The following STPG2 variants were observed in gnomAD, a reference collection of about 807,000 sequenced individuals.
STPG2 encodes the protein sperm-tail PG-rich repeat-containing protein 2.
STPG2 carries 56 observed loss-of-function variants against 54.2 expected under a neutral mutation model. That is an observed-to-expected ratio of 1.03 (90% CI 0.83 to 1.29). The LOEUF is 1.29. Ranked by LOEUF, STPG2 falls within the 50% of genes most tolerant of loss-of-function variation. The pLI is 0.00. For missense variants in STPG2, 596 were observed against 544.9 expected, an observed-to-expected ratio of 1.09 and a Z score of -0.93; for synonymous variants, 200 against 181.8, an observed-to-expected ratio of 1.10 and a Z score of -0.81.
At chr4:97,868,877 C>A (rs897289715) in intron 8 of STPG2, among the ~76,000 whole-genome samples, 2 of 151,852 alleles carry the variant, frequency 1.3e-5, no homozygotes, top group African/African-American at 4.8e-5. Context: ...AAAAGGTCAT[C>A]CTTACATTTT....
rs567552981 is a variant in STPG2, at chr4:97,782,598, C to T, written c.1204+58175G>A. On this transcript the variant is annotated intron_variant, in intron 9 of 10. Coordinates refer to ENST00000295268, the MANE Select transcript of STPG2 (RefSeq NM_174952.3). The stretch of plus-strand genomic sequence containing the variant: ...AAACTACTTTAAAGTTCATGTGAAA[C>T]GAAAAAAGCGCCTGCATTGCCAAGA... Among the ~76,000 whole-genome samples, 56 of 152,158 alleles carry T rather than the reference C, an allele frequency of 3.7e-4. 1 individual carries two copies. In the South Asian group the frequency reaches 3.7e-3, roughly 10 times the overall value.
chr4:97,903,950 C>T (rs112881159), intron 8 of STPG2, among the ~76,000 whole-genome samples: 19,407 of 152,180 alleles, frequency 0.13, 1,899 homozygotes, highest in African/African-American at 0.26. Flanking sequence ...GAGAGTCCTA[C>T]GCCCACAGAG....
chr4:97,830,672 G>C (rs1728425970), intron 9 of STPG2, among the ~76,000 whole-genome samples: 1 of 152,108 alleles, frequency 6.6e-6, no homozygotes, highest in Non-Finnish European at 1.5e-5. Flanking sequence ...ATAAAGGGAT[G>C]GAGGAAGATT....
intron 10 of STPG2, among the ~76,000 whole-genome samples, chr4:97,654,985 C>T (rs1188887917): frequency 6.6e-6 from 1 of 151,956 alleles, no homozygotes; most frequent in Non-Finnish European, 1.5e-5. Context: ...CTAAAAAATA[C>T]ATTTTTAGTA....
intron 4 of STPG2, among the ~76,000 whole-genome samples, chr4:97,528,749 C>T (rs919637090): frequency 6.6e-6 from 1 of 152,046 alleles, no homozygotes; most frequent in Non-Finnish European, 1.5e-5. Flanking sequence ...GTATTTTATT[C>T]TCTTTGTAGC....
chr4:97,591,564 G>A (rs924282156), intron 10 of STPG2, among the ~76,000 whole-genome samples: 1 of 152,148 alleles, frequency 6.6e-6, no homozygotes, highest in Non-Finnish European at 1.5e-5. Context: ...TTCTTCCACA[G>A]ATCACCACAC....
At chr4:98,105,845 G>T in intron 5 of STPG2, 108 bp downstream of exon 5, 1 of 922,516 alleles carries the variant, frequency 1.1e-6, no homozygotes, top group Admixed American at 3.1e-5. Context: ...ATTGAATGAC[G>T]ATTAGCTATC....
rs1050998790 is a variant in STPG2, at chr4:97,570,409, A to T, written c.1321-11292T>A. Among the ~76,000 whole-genome samples, 6 of 152,084 alleles carry T rather than the reference A, an allele frequency of 3.9e-5. No homozygotes were observed. In the South Asian group the frequency reaches 8.3e-4, roughly 21 times the overall value. On this transcript the variant is annotated intron_variant, in intron 10 of 10. Coordinates refer to ENST00000295268, the MANE Select transcript of STPG2 (RefSeq NM_174952.3). ...GATTTTCTTCCCCAAAATATAAATGATTGTTGAGCTGAAGACAACTAACAA... is the reference window on the plus strand; with the variant it reads ...GATTTTCTTCCCCAAAATATAAATGTTTGTTGAGCTGAAGACAACTAACAA...
intron 7 of STPG2, among the ~76,000 whole-genome samples, chr4:97,961,595 A>T (rs1199341854): frequency 3.3e-5 from 5 of 152,232 alleles, no homozygotes; most frequent in Admixed American, 2.0e-4. Context: ...GCCAACAAAC[A>T]TATGAAAATG....
At chr4:98,120,856 G>T (rs1029732532) in intron 3 of STPG2, among the ~76,000 whole-genome samples, 1 of 152,176 alleles carries the variant, frequency 6.6e-6, no homozygotes, top group African/African-American at 2.4e-5. Context: ...TCTGTAGGTT[G>T]TCTGTTTGTG....
chr4:97,861,401 A>T (rs1729532793), intron 8 of STPG2, among the ~76,000 whole-genome samples: 1 of 152,172 alleles, frequency 6.6e-6, no homozygotes. Context: ...GTGGGAATGT[A>T]AATTAGTACA....
At chr4:97,767,692 T>C (rs1376323343) in intron 9 of STPG2, among the ~76,000 whole-genome samples, 2 of 152,146 alleles carry the variant, frequency 1.3e-5, no homozygotes, top group Non-Finnish European at 2.9e-5. Flanking sequence ...TAATGAGTAT[T>C]TGAATGTGTT....
intron 7 of STPG2, among the ~76,000 whole-genome samples, chr4:97,950,086 G>A (rs1208083824): frequency 1.3e-5 from 2 of 148,362 alleles, no homozygotes; most frequent in Non-Finnish European, 3.0e-5. Flanking sequence ...GTTCTGATTT[G>A]TTTCTTTTTA....
At chr4:98,036,127 C>CAA (rs1560648572) in intron 5 of STPG2, among the ~76,000 whole-genome samples, 1 of 151,178 alleles carries the variant, frequency 6.6e-6, no homozygotes, top group Admixed American at 6.6e-5. Flanking sequence ...ACACAATACT[C>CAA]AAAAAAAGAG....
At chr4:97,724,781 T>G (rs1456210) in intron 9 of STPG2, among the ~76,000 whole-genome samples, 58,969 of 151,948 alleles carry the variant, frequency 0.39, 11,597 homozygotes, top group Middle Eastern at 0.46. Context: ...ATCCTTGTCT[T>G]CCTTTCTTTA....
chr4:97,722,154 T>C (rs1391361234), intron 9 of STPG2, among the ~76,000 whole-genome samples: 1 of 151,744 alleles, frequency 6.6e-6, no homozygotes, highest in African/African-American at 2.4e-5. Flanking sequence ...AATCTATTTA[T>C]ATGCAAATAA....
chr4:97,684,577 C>T (rs1029868312), intron 10 of STPG2, among the ~76,000 whole-genome samples: 2 of 151,934 alleles, frequency 1.3e-5, no homozygotes, highest in African/African-American at 4.8e-5. Flanking sequence ...GACCTTACAT[C>T]TTTTACAAAA....
At chr4:97,565,936 A>G (rs895081761) in intron 10 of STPG2, among the ~76,000 whole-genome samples, 20 of 152,082 alleles carry the variant, frequency 1.3e-4, no homozygotes, top group Admixed American at 1.3e-3. Flanking sequence ...CTCCAGCTGC[A>G]TGCTGGGAGA....
chr4:97,583,569 C>T (rs1732917851), intron 10 of STPG2, among the ~76,000 whole-genome samples: 1 of 108,506 alleles, frequency 9.2e-6, no homozygotes, highest in Non-Finnish European at 2.0e-5. Flanking sequence ...TTATTATTCC[C>T]AGTGCAATGG....
Sources: gnomAD v4.1 joint callset for allele counts (sites outside exome capture counted in the v4.1 genomes callset) on GRCh38, gnomAD v4.1.1 for gene constraint, MANE v1.5 for transcripts, NCBI Gene and HGNC (gene_info 2026-07-23, HGNC 2026-07-21) for gene names.